The following ANO10 variants were observed in gnomAD, a reference collection of about 807,000 sequenced individuals.
The protein encoded by ANO10 is anoctamin-10.
Under a neutral mutation model 74.7 loss-of-function variants are expected in ANO10, and 77 were observed. The observed-to-expected ratio is 1.03, with a 90% CI of 0.86 to 1.25. ANO10 has a LOEUF of 1.25. Ranked by LOEUF, ANO10 falls within the 50% of genes most tolerant of loss-of-function variation. ANO10 has a pLI of 0.00. For synonymous variants in ANO10, 279 were observed against 284.9 expected (o/e 0.98, Z 0.21); for missense variants, 721 against 778.1 (o/e 0.93, Z 0.87).
rs2084362698 is a variant in ANO10 at position 43,690,990 on chromosome 3, G to A, written c.-12+527C>T. The A allele has an allele frequency of 3.2e-6, 5 of 1,573,526 alleles. No individual in the cohort carries two copies. In the East Asian group the frequency reaches 1.2e-4, roughly 39 times the overall value. ...AAGTCCCGGCGCTTGCGCGGCGGCG[G>A]CTATGGCGGCGGAGGAGGAGGAGGT... On this transcript the variant is annotated intron_variant, in intron 1 of 3. Coordinates refer to the ANO10 transcript ENST00000413397.
At chr3:43,511,696 T>C (rs373254604) in intron 11 of ANO10, among the ~76,000 whole-genome samples, 1 of 152,188 alleles carries the variant, frequency 6.6e-6, no homozygotes, top group Non-Finnish European at 1.5e-5. Context: ...CAGAGAGTCA[T>C]GTCTGTAGTC....
chr3:43,544,511 G>T (rs1291524733), intron 11 of ANO10, among the ~76,000 whole-genome samples: 1 of 151,960 alleles, frequency 6.6e-6, no homozygotes, highest in African/African-American at 2.4e-5. Flanking sequence ...GAAGAATCAG[G>T]GCTGGGTATG....
Position 43,572,686 on chromosome 3 carries a change from C to A in ANO10, c.1218+2123G>T, listed in dbSNP as rs539346313. Among the ~76,000 whole-genome samples the A allele has an allele frequency of 9.8e-5, 15 of 152,326 alleles. No individual in the cohort carries two copies. In the South Asian group the frequency reaches 2.9e-3, roughly 29 times the overall value. ...GAGTTCCCTGCTCAAGAACCTATAGCTTACTTCCTGCACCAATGGGTTTCC... is the reference window on the plus strand; with the variant it reads ...GAGTTCCCTGCTCAAGAACCTATAGATTACTTCCTGCACCAATGGGTTTCC... On this transcript the variant is annotated intron_variant, in intron 7 of 12. Coordinates refer to ENST00000292246, the MANE Select transcript of ANO10 (RefSeq NM_018075.5).
Position 43,412,503 on chromosome 3 carries a change from T to C in ANO10, c.1914+20108A>G, listed in dbSNP as rs139685056. ...CTCTGGCGCATTCTCACACTTCCTC[T>C]ACCAACCCTGCAAAGCTGTTCCCAT... is the stretch of plus-strand genomic sequence containing the variant. On this transcript the variant is annotated intron_variant, in intron 12 of 12. Coordinates refer to ENST00000292246, the MANE Select transcript of ANO10 (RefSeq NM_018075.5). Among the ~76,000 whole-genome samples, 484 of 152,288 alleles carry C rather than the reference T, an allele frequency of 3.2e-3. 4 individuals are homozygous for C. The highest frequency in any genetic ancestry group is 0.011 in the African/African-American group (460 of 41,568).
At chr3:43,409,209 G>A (rs1202437963) in intron 12 of ANO10, among the ~76,000 whole-genome samples, 1 of 152,082 alleles carries the variant, frequency 6.6e-6, no homozygotes, top group Admixed American at 6.5e-5. Context: ...CATTCATGGA[G>A]CAGAAATGAA....
intron 11 of ANO10, among the ~76,000 whole-genome samples, chr3:43,440,610 G>C (rs1283906688): frequency 6.7e-6 from 1 of 148,796 alleles, no homozygotes; most frequent in Non-Finnish European, 1.5e-5. Context: ...GTAATAGTAG[G>C]AGATTTCAAT....
chr3:43,386,704 C>T (rs181501385), intron 12 of ANO10, among the ~76,000 whole-genome samples: 50 of 149,590 alleles, frequency 3.3e-4, no homozygotes, highest in Non-Finnish European at 6.5e-4. Context: ...AATCAGCTAC[C>T]TCTGGGAAGG....
At chr3:43,655,673 G>A (rs1298148354) in intron 1 of ANO10, among the ~76,000 whole-genome samples, 3 of 152,140 alleles carry the variant, frequency 2.0e-5, no homozygotes, top group Admixed American at 1.3e-4. Flanking sequence ...TAGATACAGA[G>A]TATGGACACA....
At chr3:43,555,938 C>T (rs1225984895) in intron 9 of ANO10, among the ~76,000 whole-genome samples, 1 of 152,076 alleles carries the variant, frequency 6.6e-6, no homozygotes, top group Non-Finnish European at 1.5e-5. Context: ...AAGTATGAAC[C>T]ACCGATTCTG....
chr3:43,574,971 G>A, intron 6 of ANO10, 107 bp from the exon 7 acceptor site: 1 of 843,570 alleles, frequency 1.2e-6, no homozygotes, highest in Non-Finnish European at 2.0e-6. Flanking sequence ...CAACATCAGA[G>A]CCTCAGTCAG....
At chr3:43,638,565 TA>T (rs1319817800) in intron 1 of ANO10, 2 of 152,322 alleles carry the variant, frequency 1.3e-5, no homozygotes, top group East Asian at 3.9e-4. Context: ...AAGTATTTTT[TA>T]AAGGGTAAAA....
intron 11 of ANO10, 100 bp downstream of exon 11, chr3:43,549,620 T>G: frequency 7.4e-7 from 1 of 1,342,284 alleles, no homozygotes; most frequent in South Asian, 1.2e-5. Flanking sequence ...TAAATCCATA[T>G]TGCTCAATTG....
At position 43,595,882 on chromosome 3, in the gene ANO10, TCTC is replaced by T. The variant is rs527433503; in HGVS notation, c.472+2647_472+2649del. ...AAAACCCCATCGTCTCAGCCAAAAA[TCTC>T]CTTAAGCTGATAAGCAACTTCAGCA... On this transcript the variant is annotated intron_variant, in intron 4 of 12. Coordinates refer to ENST00000292246, the MANE Select transcript of ANO10 (RefSeq NM_018075.5). 1.9e-3 allele frequency among the ~76,000 whole-genome samples: 292 copies of T among 152,200 alleles called. 1 individual carries two copies. Among genetic ancestry groups the T allele is most frequent in the Non-Finnish European group, 3.6e-3 (246 of 68,018 alleles).
At chr3:43,512,790 C>G (rs557311792) in intron 11 of ANO10, among the ~76,000 whole-genome samples, 1 of 151,862 alleles carries the variant, frequency 6.6e-6, no homozygotes, top group Admixed American at 6.6e-5. Flanking sequence ...AAACAACAAC[C>G]AAAAAACAAG....
At chr3:43,604,096 T>C (rs990927292) in intron 2 of ANO10, among the ~76,000 whole-genome samples, 2 of 152,176 alleles carry the variant, frequency 1.3e-5, no homozygotes, top group African/African-American at 2.4e-5. Context: ...TTTATTTTAA[T>C]TGGCATATAA....
intron 1 of ANO10, among the ~76,000 whole-genome samples, chr3:43,620,501 A>G (rs2083332604): frequency 6.6e-6 from 1 of 152,132 alleles, no homozygotes. Context: ...AAAGTTGGCC[A>G]GCACAGTGGC....
At chr3:43,410,213 A>C (rs1025609076) in intron 12 of ANO10, among the ~76,000 whole-genome samples, 5 of 152,084 alleles carry the variant, frequency 3.3e-5, no homozygotes, top group Admixed American at 2.6e-4. Flanking sequence ...TATTTTACTA[A>C]GAAGTTGTTG....
intron 12 of ANO10, among the ~76,000 whole-genome samples, chr3:43,412,730 T>C (rs1284160521): frequency 6.6e-6 from 1 of 152,178 alleles, no homozygotes; most frequent in Non-Finnish European, 1.5e-5. Flanking sequence ...GGTAGAGCAA[T>C]ATAAGAGCCT....
intron 7 of ANO10, among the ~76,000 whole-genome samples, chr3:43,566,885 G>A (rs1479929450): frequency 6.6e-6 from 1 of 152,192 alleles, no homozygotes; most frequent in Non-Finnish European, 1.5e-5. Context: ...AAATTACTCT[G>A]AGCTACGGGA....
Sources: allele counts gnomAD v4.1 joint callset (sites outside exome capture counted in the v4.1 genomes callset), GRCh38; gene constraint gnomAD v4.1.1; transcripts MANE v1.5; gene names NCBI Gene and HGNC (gene_info 2026-07-23, HGNC 2026-07-21).